Variants in KLHL20 observed in about 807,000 individuals in gnomAD.
KLHL20 encodes the protein kelch-like protein 20.
Under a neutral mutation model 69.5 loss-of-function variants are expected in KLHL20, and 29 were observed. The observed-to-expected ratio is 0.42, with a 90% CI of 0.31 to 0.57. The LOEUF (loss-of-function observed/expected upper bound fraction) is 0.57, where lower values mean the gene tolerates loss of function less well. Ranked by LOEUF, KLHL20 falls within the 20% of genes least tolerant of loss-of-function variation. The pLI, the probability that KLHL20 is intolerant of heterozygous loss-of-function variation, is 0.18. For synonymous variants in KLHL20, 253 were observed against 265.2 expected, an observed-to-expected ratio of 0.95 and a Z score of 0.45; for missense variants, 419 against 776.0, an observed-to-expected ratio of 0.54 and a Z score of 5.47.
intron 2 of KLHL20, among the ~76,000 whole-genome samples, chr1:173,720,629 G>A (rs1006759192): frequency 6.6e-6 from 1 of 152,192 alleles, no homozygotes; most frequent in African/African-American, 2.4e-5. Flanking sequence ...TGGTAGTTTA[G>A]ATGAAAGATG....
At chr1:173,774,565 T>C in intron 9 of KLHL20, 127 bp downstream of exon 9, 2 of 971,600 alleles carry the variant, frequency 2.1e-6, no homozygotes, top group Non-Finnish European at 3.1e-6. Flanking sequence ...GATTTTTCCC[T>C]CCAGCAGAGT....
At chr1:173,749,335 A>G (rs1000008836) in intron 3 of KLHL20, among the ~76,000 whole-genome samples, 2 of 152,202 alleles carry the variant, frequency 1.3e-5, no homozygotes, top group Admixed American at 6.5e-5. Flanking sequence ...AGCTTTATTC[A>G]TTCTTCAAAT....
chr1:173,773,863 A>C lies in KLHL20; in HGVS notation c.1296-442A>C, dbSNP rs971003733. Among the ~76,000 whole-genome samples the C allele has an allele frequency of 7.9e-5, 12 of 152,148 alleles. No homozygotes were observed. In the East Asian group the frequency reaches 2.1e-3, roughly 27 times the overall value. On this transcript the variant is annotated intron_variant, in intron 8 of 11. Transcript: ENST00000209884. ...CCCATCTCTACTAAAAATACAAAAA[A>C]TTAGCCAGGCGTGGTGGCAGGCACC...
chr1:173,770,436 G>A (rs1385924099), intron 8 of KLHL20, among the ~76,000 whole-genome samples: 2 of 152,088 alleles, frequency 1.3e-5, no homozygotes, highest in Admixed American at 6.5e-5. Context: ...AGTGGCTCAC[G>A]CCTGTAATCC....
rs769174416 is a variant in KLHL20, at chr1:173,766,146, G to T, written c.1152G>T (p.Arg384Ser). 3 of 1,595,628 alleles carry T rather than the reference G, an allele frequency of 1.9e-6. No homozygotes were observed. The highest frequency in any genetic ancestry group is 2.6e-6 in the Non-Finnish European group (3 of 1,173,234). Reference sequence around the variant, plus strand: ...TCTCCTCTTGGTATGTTCTTTTCAGGTATGACCCCAAAACAAACCAGTGGA... The same window carrying T: ...TCTCCTCTTGGTATGTTCTTTTCAGTTATGACCCCAAAACAAACCAGTGGA... ...DGSSYLNSVE[R>S]YDPKTNQWSS... The change falls in exon 8 of 12, where the codon AGG (arginine) becomes AGT (serine). Residue 384 changes from arginine (R) to serine (S), a missense_variant and splice_region_variant. Around this residue, in one of 6 missense-constraint regions of KLHL20, gnomAD observed 32 missense variants for 98.9 expected, o/e 0.32. Coordinates refer to ENST00000209884, the MANE Select transcript of KLHL20 (RefSeq NM_014458.4).
At chr1:173,739,576 G>T (rs756088642) in intron 3 of KLHL20, among the ~76,000 whole-genome samples, 14 of 151,146 alleles carry the variant, frequency 9.3e-5, no homozygotes, top group Middle Eastern at 3.5e-3. Flanking sequence ...TCTAGTTTGT[G>T]CACATAAGGA....
chr1:173,734,517 T>C (rs1182143562), intron 3 of KLHL20: 2 of 500,350 alleles, frequency 4.0e-6, no homozygotes, highest in Non-Finnish European at 7.1e-6. Flanking sequence ...CATAAAAGTA[T>C]TTAAAAAAAA....
chr1:173,752,178 G>C (rs1482627773), intron 4 of KLHL20, among the ~76,000 whole-genome samples: 1 of 151,838 alleles, frequency 6.6e-6, no homozygotes, highest in African/African-American at 2.4e-5. Context: ...GAAGATTGCA[G>C]TGAGCCGAGA....
At chr1:173,739,970 ATCT>A (rs1254917268) in intron 3 of KLHL20, among the ~76,000 whole-genome samples, 1 of 150,580 alleles carries the variant, frequency 6.6e-6, no homozygotes, top group African/African-American at 2.4e-5. Flanking sequence ...GCTTATTTGG[ATCT>A]TCTCTCTTCT....
chr1:173,774,298 A>C lies in KLHL20; in HGVS notation c.1296-7A>C, dbSNP rs1449201372. 1 of 1,613,900 alleles carries C rather than the reference A, an allele frequency of 6.2e-7. No homozygotes were observed. The highest frequency in any genetic ancestry group is 1.3e-5 in the African/African-American group (1 of 74,896). On this transcript the variant is annotated splice_region_variant and splice_polypyrimidine_tract_variant and intron_variant, in intron 8 of 11. Coordinates refer to ENST00000209884, the MANE Select transcript of KLHL20 (RefSeq NM_014458.4). The stretch of plus-strand genomic sequence containing the variant: ...ACAAGCATACAGTCTGGTTTCCCTC[A>C]CTGCAGGTATGATCCGAAGGAGAAC...
At chr1:173,743,439 C>G (rs1442148206) in intron 3 of KLHL20, among the ~76,000 whole-genome samples, 3 of 151,630 alleles carry the variant, frequency 2.0e-5, no homozygotes, top group African/African-American at 7.3e-5. Context: ...TTCCTTTACT[C>G]CTGAATTCTC....
chr1:173,741,743 C>T, intron 3 of KLHL20: 1 of 1,390,848 alleles, frequency 7.2e-7, no homozygotes, highest in South Asian at 1.2e-5. Flanking sequence ...AGAAGAAATG[C>T]CTGGTTCAGA....
At chr1:173,777,520 C>T (rs7553539) in intron 10 of KLHL20, among the ~76,000 whole-genome samples, 18,359 of 152,130 alleles carry the variant, frequency 0.12, 1,354 homozygotes, top group South Asian at 0.18. Context: ...CAGTTTTTCC[C>T]CATTCTAAAT....
intron 3 of KLHL20, among the ~76,000 whole-genome samples, chr1:173,749,883 G>C (rs1332158412): frequency 6.6e-6 from 1 of 152,198 alleles, no homozygotes; most frequent in South Asian, 2.1e-4. Context: ...TTTGCATGCT[G>C]TGAAGACCAA....
chr1:173,739,158 C>T (rs1235674168), intron 3 of KLHL20, among the ~76,000 whole-genome samples: 1 of 151,832 alleles, frequency 6.6e-6, no homozygotes, highest in Non-Finnish European at 1.5e-5. Context: ...CTGCAACCTC[C>T]ACCTCCCACA....
At chr1:173,728,488 TGGAA>T (rs2102463424) in intron 2 of KLHL20, among the ~76,000 whole-genome samples, 1 of 152,316 alleles carries the variant, frequency 6.6e-6, no homozygotes, top group South Asian at 2.1e-4. Context: ...ACCACATAGT[TGGAA>T]GTAAAGCTCT....
chr1:173,728,440 A>C (rs565326214), intron 2 of KLHL20, among the ~76,000 whole-genome samples: 2 of 152,324 alleles, frequency 1.3e-5, no homozygotes, highest in East Asian at 3.8e-4. Flanking sequence ...CAGAATGTAC[A>C]TTCTTTTCAG....
rs1247789364 is a variant in KLHL20 at position 173,756,969 on chromosome 1, T to C, written c.968-7T>C. 1 of 1,612,318 alleles carries C rather than the reference T, an allele frequency of 6.2e-7. No homozygotes were observed. Among genetic ancestry groups the C allele is most frequent in the Non-Finnish European group, 8.5e-7 (1 of 1,178,784 alleles). On this transcript the variant is annotated splice_polypyrimidine_tract_variant and splice_region_variant and intron_variant, in intron 6 of 11. Coordinates refer to ENST00000209884, the MANE Select transcript of KLHL20 (RefSeq NM_014458.4). ...GATTCTCTTGACCATTTCTGTTACT[T>C]CCCCAGTTGGTGGTTGGTGCAGTGG... is the stretch of plus-strand genomic sequence containing the variant.
intron 8 of KLHL20, among the ~76,000 whole-genome samples, chr1:173,767,853 G>A (rs1448909887): frequency 6.6e-6 from 1 of 152,108 alleles, no homozygotes; most frequent in Admixed American, 6.5e-5. Context: ...TCACTCTGTT[G>A]ATTGTTTCCT....
Sources: gnomAD v4.1 joint callset for allele counts (sites outside exome capture counted in the v4.1 genomes callset) on GRCh38, gnomAD v4.1.1 for gene constraint, gnomAD v4.1.1 regional missense constraint, MANE v1.5 for transcripts, NCBI Gene and HGNC (gene_info 2026-07-23, HGNC 2026-07-21) for gene names.